SLC19A1: variants seen among roughly 807,000 people sequenced by gnomAD.
SLC19A1 encodes reduced folate transporter.
In SLC19A1, 37 loss-of-function variants were observed where a neutral mutation model predicts 35.3. That is an observed-to-expected ratio of 1.05 (90% CI 0.81 to 1.38). The LOEUF (loss-of-function observed/expected upper bound fraction) is 1.38, where lower values mean the gene tolerates loss of function less well. SLC19A1 is among the 40% of genes most tolerant of loss of function. The pLI is 0.00. For synonymous variants in SLC19A1, 460 were observed against 398.5 expected, an observed-to-expected ratio of 1.15 and a Z score of -1.84; for missense variants, 831 against 826.9, an observed-to-expected ratio of 1.00 and a Z score of -0.06.
rs2078001898 is a variant in SLC19A1, at chr21:45,533,407, G to A, written c.190-1259C>T. ...CTTGGCAGGGGCCAGGGCTGCTGTG[G>A]GCACACCTGGGCACACCTGGGCACA... is the stretch of plus-strand genomic sequence containing the variant. On this transcript the variant is annotated intron_variant, in intron 2 of 5. Coordinates refer to ENST00000311124, the MANE Select transcript of SLC19A1 (RefSeq NM_194255.4). This position sits in a 1 kb window ranked among gnomAD's most constrained non-coding sequence, Gnocchi z 4.5. Among the ~76,000 whole-genome samples, 1 of 148,048 alleles carries A rather than the reference G, an allele frequency of 6.8e-6. No homozygotes were observed. The highest frequency in any genetic ancestry group is 6.6e-5 in the Admixed American group (1 of 15,130).
At chr21:45,543,648 A>G (rs914502795), upstream of SLC19A1, 6 of 152,324 alleles carry the variant, frequency 3.9e-5, no homozygotes, top group African/African-American at 1.4e-4. Flanking sequence ...CCTTCTTTCC[A>G]GAGTCCTGAG....
chr21:45,551,918 G>C (rs1013499604), intron 1 of SLC19A1, among the ~76,000 whole-genome samples: 4 of 152,146 alleles, frequency 2.6e-5, no homozygotes, highest in Non-Finnish European at 5.9e-5. Context: ...CTTTATGTCC[G>C]TACTTTAGGG....
At chr21:45,561,625 G>A (rs187315986) in intron 1 of SLC19A1, among the ~76,000 whole-genome samples, 5 of 152,194 alleles carry the variant, frequency 3.3e-5, no homozygotes, top group East Asian at 1.9e-4. Context: ...CCCAAGTGTG[G>A]TGGCATGCAC....
chr21:45,549,513 A>G (rs996647953), intron 1 of SLC19A1, among the ~76,000 whole-genome samples: 1 of 150,452 alleles, frequency 6.6e-6, no homozygotes, highest in Non-Finnish European at 1.5e-5. Context: ...GCCTGGAAGC[A>G]AGTCGAATGC....
chr21:45,531,047 G>A, intron 3 of SLC19A1, 76 bp from the exon 4 acceptor site: 1 of 989,796 alleles, frequency 1.0e-6, no homozygotes, highest in Non-Finnish European at 1.3e-6. Flanking sequence ...GAGCTTCTGA[G>A]GAAAGGTATC....
chr21:45,532,201 G>C (rs1180857157), intron 2 of SLC19A1, 53 bp from the exon 3 acceptor site: 1 of 1,460,250 alleles, frequency 6.8e-7, no homozygotes, highest in Non-Finnish European at 9.3e-7. Flanking sequence ...CTGCCGCTGC[G>C]GCAGACACAG....
At chr21:45,506,600 G>A (rs1378155606) in intron 3 of SLC19A1, 2 of 178,992 alleles carry the variant, frequency 1.1e-5, no homozygotes, top group African/African-American at 4.7e-5. Context: ...TTACCTTCGT[G>A]TGGCAAAGGT....
intron 5 of SLC19A1, among the ~76,000 whole-genome samples, chr21:45,518,736 T>C (rs539252936): frequency 3.7e-4 from 57 of 152,248 alleles, no homozygotes; most frequent in Non-Finnish European, 3.8e-4. Context: ...GAACACTGTC[T>C]ACCCAGCATC....
chr21:45,554,213 TCCCCC>T (rs2078513478), intron 1 of SLC19A1, among the ~76,000 whole-genome samples: 1 of 308 alleles, frequency 3.2e-3, no homozygotes, highest in African/African-American at 5.7e-3. Flanking sequence ...CCCATCCCAG[TCCCCC>T]GCGCCCCATC....
At chr21:45,502,531 G>A (rs771944976) in intron 3 of SLC19A1, 65 of 152,202 alleles carry the variant, frequency 4.3e-4, no homozygotes, top group African/African-American at 1.4e-3. Context: ...GAGAAATTGC[G>A]TATGTTTTAT....
intron 5 of SLC19A1, among the ~76,000 whole-genome samples, chr21:45,516,886 C>T (rs1047870390): frequency 6.6e-6 from 1 of 152,220 alleles, no homozygotes; most frequent in Non-Finnish European, 1.5e-5. Context: ...TGCAGCCCAT[C>T]GGCACCGGCA....
chr21:45,504,919 A>T (rs866809069), intron 3 of SLC19A1, among the ~76,000 whole-genome samples: 4 of 151,304 alleles, frequency 2.6e-5, no homozygotes, highest in East Asian at 2.0e-4. Flanking sequence ...CACTGTTGTC[A>T]GGTCTCTGCT....
chr21:45,543,075 C>G (rs893993280), upstream of SLC19A1, among the ~76,000 whole-genome samples: 1 of 152,256 alleles, frequency 6.6e-6, no homozygotes, highest in East Asian at 1.9e-4. Context: ...AAGGAGCAAG[C>G]CGGATCCAGG....
At chr21:45,528,064 A>C (rs2077709582) in intron 4 of SLC19A1, among the ~76,000 whole-genome samples, 1 of 150,776 alleles carries the variant, frequency 6.6e-6, no homozygotes, top group Non-Finnish European at 1.5e-5. Flanking sequence ...TGGGCACTGG[A>C]GACGGGGGGA....
At position 45,530,992 on chromosome 21, in the gene SLC19A1, C is replaced by T; in HGVS notation, c.950-21G>A. On this transcript the variant is annotated intron_variant, in intron 3 of 5. Transcript: ENST00000311124. This position sits in a 1 kb window ranked among gnomAD's most constrained non-coding sequence, Gnocchi z 5.3. ...GGCGCCTGAGAGGGGAGGGATGGGGCGTTGCAGCGGCCCTGGGGGGCCACG... is the reference window on the plus strand; with the variant it reads ...GGCGCCTGAGAGGGGAGGGATGGGGTGTTGCAGCGGCCCTGGGGGGCCACG... 1.8e-5 allele frequency: 19 copies of T among 1,067,934 alleles called. No individual in the cohort carries two copies. Among genetic ancestry groups the T allele is most frequent in the East Asian group, 8.9e-5 (1 of 11,230 alleles). 66.2% of individuals were successfully genotyped at this position (1,067,934 alleles called of 1,614,324 possible).
chr21:45,560,044 C>A (rs542378256), intron 1 of SLC19A1, among the ~76,000 whole-genome samples: 1 of 152,324 alleles, frequency 6.6e-6, no homozygotes, highest in Admixed American at 6.5e-5. Flanking sequence ...CACGTCACAC[C>A]CCCCAGCTCC....
In SLC19A1 at chr21:45,515,537, T is replaced by G; in HGVS notation, c.*121A>C. Reference sequence around the variant, plus strand: ...GTGCGGCACAGGGCAGGGGGAATCCTAGGGGGCCTGCTAGCAGGATAAGCG... The same window carrying G: ...GTGCGGCACAGGGCAGGGGGAATCCGAGGGGGCCTGCTAGCAGGATAAGCG... On this transcript the variant is annotated 3_prime_UTR_variant, in exon 6 of 6. Transcript: ENST00000311124. 2.0e-6 allele frequency: 3 copies of G among 1,538,024 alleles called. No homozygotes were observed. Among genetic ancestry groups the G allele is most frequent in the South Asian group, 2.5e-5 (2 of 79,394 alleles).
chr21:45,555,148 TGCAGGGGGCGGCGGGGGCGGC>T lies in SLC19A1; in HGVS notation c.-50+7573_-50+7593del, dbSNP rs1569031673. 1.1e-3 allele frequency among the ~76,000 whole-genome samples: 69 copies of T among 64,100 alleles called. 7 individuals are homozygous for T. Among genetic ancestry groups the T allele is most frequent in the East Asian group, 7.2e-3 (15 of 2,076 alleles). 42.1% of individuals were successfully genotyped at this position (64,100 alleles called of 152,430 possible). On this transcript the variant is annotated intron_variant, in intron 1 of 5. Coordinates refer to the SLC19A1 transcript ENST00000650808. ...AGCAGCCTCGCGACGCAGGGGGCGG[TGCAGGGGGCGGCGGGGGCGGC>T]GCAGGGGGCGGTGCAGGGGGCGGCG...
chr21:45,511,685 C>T (rs969999669), downstream of SLC19A1, among the ~76,000 whole-genome samples: 3 of 152,280 alleles, frequency 2.0e-5, no homozygotes, highest in Admixed American at 6.5e-5. Context: ...GTGAGCGCCG[C>T]GATTCTTCCA....
Sources: allele counts gnomAD v4.1 joint callset (sites outside exome capture counted in the v4.1 genomes callset), GRCh38; gene constraint gnomAD v4.1.1; non-coding constraint Gnocchi (gnomAD v3.1); transcripts MANE v1.5; gene names NCBI Gene and HGNC (gene_info 2026-07-23, HGNC 2026-07-21).